The following ZNF438 variants were observed in gnomAD, a reference collection of about 807,000 sequenced individuals.
ZNF438 encodes zinc finger protein 438.
In ZNF438, 25 loss-of-function variants were observed where a neutral mutation model predicts 38.0. The observed-to-expected ratio is 0.66, with a 90% confidence interval of 0.48 to 0.92. The LOEUF (loss-of-function observed/expected upper bound fraction) is 0.92, where lower values mean the gene tolerates loss of function less well. Ranked by LOEUF, ZNF438 falls within the 40% of genes least tolerant of loss-of-function variation. The probability of loss-of-function intolerance (pLI) is 0.00; values close to 1 mark genes in which losing one functional copy is unlikely to be tolerated. For missense variants in ZNF438, 1,007 were observed against 999.6 expected (o/e 1.01, Z -0.10); for synonymous variants, 372 against 364.1 (o/e 1.02, Z -0.25).
At chr10:30,849,914 G>C (rs1564481673) in exon 5 of ZNF438, 2 of 1,614,168 alleles carry the variant, frequency 1.2e-6, no homozygotes, top group African/African-American at 2.7e-5. Flanking sequence ...AGGGTGGTGA[G>C]GTGGGGAAGG....
chr10:31,013,596 C>T (rs1409578802), intron 1 of ZNF438, among the ~76,000 whole-genome samples: 2 of 152,160 alleles, frequency 1.3e-5, no homozygotes, highest in African/African-American at 4.8e-5. Flanking sequence ...TTCTTCCCTC[C>T]TTCCTGGCAC....
At chr10:30,861,332 A>C (rs2133155225) in intron 4 of ZNF438, among the ~76,000 whole-genome samples, 1 of 152,344 alleles carries the variant, frequency 6.6e-6, no homozygotes, top group Admixed American at 6.5e-5. Flanking sequence ...GTCTATACAT[A>C]TTCAATATAG....
chr10:30,871,646 C>CT (rs2037428005), intron 4 of ZNF438, among the ~76,000 whole-genome samples: 2 of 152,180 alleles, frequency 1.3e-5, no homozygotes, highest in African/African-American at 4.8e-5. Flanking sequence ...GGTCTGTAAG[C>CT]TGTAAGTATA....
intron 3 of ZNF438, among the ~76,000 whole-genome samples, chr10:30,903,073 C>T (rs1029885491): frequency 3.3e-5 from 5 of 152,166 alleles, no homozygotes; most frequent in African/African-American, 4.8e-5. Flanking sequence ...CTGGCAGGGC[C>T]GGCCAGCCAG....
intron 2 of ZNF438, among the ~76,000 whole-genome samples, chr10:30,912,751 G>GT: frequency 6.6e-6 from 1 of 152,096 alleles, no homozygotes; most frequent in South Asian, 2.1e-4. Flanking sequence ...AAAAAATGCT[G>GT]TAATAACTGT....
chr10:30,891,594 A>G (rs927655696), intron 3 of ZNF438, among the ~76,000 whole-genome samples: 1 of 152,144 alleles, frequency 6.6e-6, no homozygotes, highest in Non-Finnish European at 1.5e-5. Context: ...TTTATCTAAC[A>G]TCAGGTTTGG....
At chr10:31,002,413 T>C (rs1466227786) in intron 1 of ZNF438, among the ~76,000 whole-genome samples, 1 of 152,218 alleles carries the variant, frequency 6.6e-6, no homozygotes, top group Non-Finnish European at 1.5e-5. Flanking sequence ...GTGATTTTTT[T>C]CATTGTAAAT....
At chr10:30,897,022 A>G (rs2041436373) in intron 3 of ZNF438, among the ~76,000 whole-genome samples, 1 of 152,204 alleles carries the variant, frequency 6.6e-6, no homozygotes, top group South Asian at 2.1e-4. Flanking sequence ...TGTAAAGAAA[A>G]ATGATAAAAC....
chr10:30,857,277 GAC>G (rs1409619414), intron 4 of ZNF438, among the ~76,000 whole-genome samples: 3 of 117,452 alleles, frequency 2.6e-5, no homozygotes, highest in Non-Finnish European at 3.6e-5. Flanking sequence ...TTTTTTTTGA[GAC>G]ACAGTCTTGC....
intron 1 of ZNF438, among the ~76,000 whole-genome samples, chr10:30,985,364 C>T (rs1041525262): frequency 1.3e-5 from 2 of 152,136 alleles, no homozygotes; most frequent in Non-Finnish European, 2.9e-5. Flanking sequence ...TCATCTAGAT[C>T]CAATGACTTT....
At chr10:30,994,983 T>C (rs2132630214) in intron 1 of ZNF438, among the ~76,000 whole-genome samples, 1 of 150,894 alleles carries the variant, frequency 6.6e-6, no homozygotes, top group African/African-American at 2.4e-5. Context: ...TGCAGTGAGC[T>C]GAGATCATGC....
chr10:30,844,962 C>T, exon 6 of ZNF438: 1 of 1,612,530 alleles, frequency 6.2e-7, no homozygotes, highest in Non-Finnish European at 8.5e-7. Flanking sequence ...CTTGGGGTCT[C>T]ATTTCTCAGC....
chr10:30,956,235 A>T (rs80049660), intron 1 of ZNF438, among the ~76,000 whole-genome samples: 2 of 152,222 alleles, frequency 1.3e-5, no homozygotes, highest in Non-Finnish European at 2.9e-5. Flanking sequence ...AACATAAAAA[A>T]TACCAATGTG....
At chr10:30,932,826 T>C (rs2045842959) in intron 2 of ZNF438, among the ~76,000 whole-genome samples, 2 of 152,158 alleles carry the variant, frequency 1.3e-5, no homozygotes, top group Admixed American at 6.5e-5. Context: ...TGTACTGGTA[T>C]CCTCACAAGA....
At chr10:30,956,906 C>A (rs3011603) in intron 1 of ZNF438, among the ~76,000 whole-genome samples, 121,868 of 152,188 alleles carry the variant, frequency 0.8, 49,383 homozygotes, top group African/African-American at 0.93. Context: ...ATATATAAGC[C>A]GTACAGTGAA....
intron 2 of ZNF438, among the ~76,000 whole-genome samples, chr10:30,911,867 T>C (rs1214095396): frequency 6.6e-6 from 1 of 152,100 alleles, no homozygotes; most frequent in African/African-American, 2.4e-5. Context: ...GCTCCAGTCC[T>C]TCCTACTCTG....
intron 1 of ZNF438, among the ~76,000 whole-genome samples, chr10:30,957,184 T>C (rs1481805631): frequency 6.6e-6 from 1 of 152,214 alleles, no homozygotes; most frequent in African/African-American, 2.4e-5. Context: ...CATTTGCATG[T>C]CTTCTTTTGA....
chr10:30,873,252 T>C (rs1297918086), intron 4 of ZNF438, among the ~76,000 whole-genome samples: 2 of 152,126 alleles, frequency 1.3e-5, no homozygotes, highest in Non-Finnish European at 2.9e-5. Flanking sequence ...CTCATGAACA[T>C]CTCAAAATTC....
intron 3 of ZNF438, among the ~76,000 whole-genome samples, chr10:30,885,966 C>T (rs1422684211): frequency 6.6e-6 from 1 of 152,130 alleles, no homozygotes; most frequent in Non-Finnish European, 1.5e-5. Context: ...CTCCAGTGGA[C>T]AGGACTAGGA....
Sources: gnomAD v4.1 joint callset for allele counts (sites outside exome capture counted in the v4.1 genomes callset) on GRCh38, gnomAD v4.1.1 for gene constraint, MANE v1.5 for transcripts, NCBI Gene and HGNC (gene_info 2026-07-23, HGNC 2026-07-21) for gene names.